The following FBLN5 variants were observed in gnomAD, a reference collection of about 807,000 sequenced individuals.
FBLN5 encodes the protein fibulin 5, also known as fibulin-5.
In FBLN5, 24 loss-of-function variants were observed where a neutral mutation model predicts 61.6. The observed-to-expected ratio is 0.39, with a 90% CI of 0.28 to 0.55. The LOEUF (loss-of-function observed/expected upper bound fraction) is 0.55, where lower values mean the gene tolerates loss of function less well. FBLN5 is among the 20% of genes least tolerant of loss of function. The pLI, the probability that FBLN5 is intolerant of heterozygous loss-of-function variation, is 0.65. For synonymous variants in FBLN5, 213 were observed against 219.8 expected, an observed-to-expected ratio of 0.97 and a Z score of 0.27; for missense variants, 470 against 594.1, an observed-to-expected ratio of 0.79 and a Z score of 2.17.
At position 91,883,062 on chromosome 14, in the gene FBLN5, T is replaced by C. The variant is rs780410972; in HGVS notation, c.754A>G (p.Ser252Gly). The C allele has an allele frequency of 1.9e-6, 3 of 1,614,030 alleles. No individual in the cohort carries two copies. The highest frequency in any genetic ancestry group is 2.2e-5 in the East Asian group (1 of 44,878). ...GVHCSDMDEC[S>G]FSEFLCQHEC... ...TGTTGGCAGAGGAACTCAGAGAAGC[T>C]GCACTCGTCCATATCTGGGGTGACA... Residue 252 changes from serine to glycine, a missense_variant, in exon 8 of 11, where the codon AGC becomes GGC. Ser to Gly is a moderately conservative substitution (Grantham distance 56). Coordinates refer to ENST00000342058, the MANE Select transcript of FBLN5 (RefSeq NM_006329.4).
At chr14:91,913,068 CT>C (rs1891026520) in intron 4 of FBLN5, among the ~76,000 whole-genome samples, 2 of 152,108 alleles carry the variant, frequency 1.3e-5, no homozygotes, top group South Asian at 4.1e-4. Context: ...TTCAAACGCC[CT>C]TTTACAAGTA....
intron 5 of FBLN5, among the ~76,000 whole-genome samples, chr14:91,893,884 A>G (rs1890097594): frequency 6.6e-6 from 1 of 152,216 alleles, no homozygotes; most frequent in Admixed American, 6.5e-5. Context: ...GGGTGTTGAA[A>G]GGAACTGATG....
intron 6 of FBLN5, among the ~76,000 whole-genome samples, chr14:91,889,948 C>T (rs1406139890): frequency 6.6e-6 from 1 of 152,178 alleles, no homozygotes; most frequent in African/African-American, 2.4e-5. Context: ...CGGTGCCAGC[C>T]TGTGGCTGGC....
At chr14:91,931,957 T>C (rs773971691) in intron 4 of FBLN5, among the ~76,000 whole-genome samples, 7 of 152,182 alleles carry the variant, frequency 4.6e-5, no homozygotes, top group Non-Finnish European at 7.4e-5. Flanking sequence ...CACACCGTCC[T>C]TCTCTGGGAT....
intron 6 of FBLN5, among the ~76,000 whole-genome samples, chr14:91,888,522 T>C (rs1426664776): frequency 6.7e-6 from 1 of 149,484 alleles, no homozygotes; most frequent in Non-Finnish European, 1.5e-5. Context: ...GACAAGGGAA[T>C]CGCTTGAACC....
chr14:91,876,110 A>G (rs1424631041), intron 10 of FBLN5, among the ~76,000 whole-genome samples: 2 of 152,354 alleles, frequency 1.3e-5, no homozygotes, highest in Middle Eastern at 3.4e-3. Flanking sequence ...GTTAGGTCAC[A>G]TCACACAATT....
rs1259971571 is a variant in FBLN5, at chr14:91,947,475, A to G, written c.-246T>C. ...TCTTCAGTAATTCAGCATTAAACCA[A>G]TTGGAGGAGGAATGTTAAAAATGAA... On this transcript the variant is annotated 5_prime_UTR_variant, in exon 1 of 11. Transcript: ENST00000342058. The surrounding 1 kb of genome is among the most constrained non-coding windows in gnomAD (Gnocchi z 4.3). The G allele has an allele frequency of 6.6e-6, 4 of 607,830 alleles. No homozygotes were observed. The highest frequency in any genetic ancestry group is 1.9e-5 in the African/African-American group (1 of 53,852). 37.7% of individuals were successfully genotyped at this position (607,830 alleles called of 1,614,324 possible).
intron 4 of FBLN5, among the ~76,000 whole-genome samples, chr14:91,897,656 A>G (rs1890280259): frequency 6.6e-6 from 1 of 152,252 alleles, no homozygotes; most frequent in African/African-American, 2.4e-5. Flanking sequence ...GAAGGGCACA[A>G]AGGGCCCCAT....
rs867480853 is a variant in FBLN5 at position 91,924,575 on chromosome 14, G to A, written c.379+12372C>T. ...CACACACCTGTAGTCCCAGCTACTC[G>A]GGAGGCTGAGGCACGAGGATTGCTT... On this transcript the variant is annotated intron_variant, in intron 4 of 10. Transcript: ENST00000342058. 5.9e-5 allele frequency among the ~76,000 whole-genome samples: 9 copies of A among 152,100 alleles called. No homozygotes were observed. In the Middle Eastern group the frequency reaches 0.01, roughly 172 times the overall value.
intron 4 of FBLN5, among the ~76,000 whole-genome samples, chr14:91,927,393 G>A (rs535663604): frequency 7.2e-5 from 11 of 152,290 alleles, no homozygotes; most frequent in African/African-American, 2.2e-4. Context: ...GATAAGAGCC[G>A]CGGAGAACAT....
At chr14:91,889,092 T>C (rs1159881751) in intron 6 of FBLN5, among the ~76,000 whole-genome samples, 1 of 152,108 alleles carries the variant, frequency 6.6e-6, no homozygotes, top group Non-Finnish European at 1.5e-5. Flanking sequence ...AGAAAACAAA[T>C]AAATGAACAG....
rs1371083459 is a variant in FBLN5, at chr14:91,869,463, G to A, written c.*761C>T. The A allele has an allele frequency of 6.6e-6, 1 of 152,408 alleles. No homozygotes were observed. Among genetic ancestry groups the A allele is most frequent in the East Asian group, 1.9e-4 (1 of 5,200 alleles). The allele number at this position is 152,408 out of a possible 1,614,324, so 9.4% of individuals were successfully genotyped here. Reference sequence around the variant, plus strand: ...GACCTCTGCATTCCAATCCAATTGGGTAAAAATTCTAAAGAAAGCAAGATT... The same window carrying A: ...GACCTCTGCATTCCAATCCAATTGGATAAAAATTCTAAAGAAAGCAAGATT... On this transcript the variant is annotated 3_prime_UTR_variant, in exon 11 of 11. Coordinates refer to ENST00000342058, the MANE Select transcript of FBLN5 (RefSeq NM_006329.4).
intron 7 of FBLN5, 25 bp downstream of exon 7, chr14:91,887,168 A>G (rs1889762896): frequency 3.1e-6 from 5 of 1,613,490 alleles, no homozygotes; most frequent in Non-Finnish European, 4.2e-6. Flanking sequence ...TACAGGTGGA[A>G]GTTTCCAATG....
At chr14:91,881,807 A>G (rs1210142832) in intron 8 of FBLN5, among the ~76,000 whole-genome samples, 1 of 151,720 alleles carries the variant, frequency 6.6e-6, no homozygotes, top group African/African-American at 2.4e-5. Flanking sequence ...ATTTAAAAAA[A>G]GAATGTAAAA....
At chr14:91,941,028 T>A (rs1000699811) in intron 2 of FBLN5, among the ~76,000 whole-genome samples, 2 of 152,114 alleles carry the variant, frequency 1.3e-5, no homozygotes, top group African/African-American at 4.8e-5. Flanking sequence ...AATGCTGTAG[T>A]TGTGAAGAGC....
chr14:91,887,269 G>T lies in FBLN5; in HGVS notation c.663C>A (p.Cys221Ter). 6.2e-7 allele frequency: 1 copy of T among 1,613,098 alleles called. No individual in the cohort carries two copies. The highest frequency in any genetic ancestry group is 8.5e-7 in the Non-Finnish European group (1 of 1,179,654). ...CATENPCVQT[C>*]VNTYGSFICR... ...AGATGAAAGAGCCGTAGGTGTTGAC[G>T]CAGGTTTGCACGCAGGGGTTCTCGG... The change falls in exon 7 of 11, where the codon TGC (cysteine) becomes TGA (stop). Residue 221 changes from cysteine to a stop codon, truncating the protein, a stop_gained. Transcript: ENST00000342058. LOFTEE classifies it high-confidence loss of function.
chr14:91,921,866 G>A (rs2055741267), intron 4 of FBLN5, among the ~76,000 whole-genome samples: 1 of 152,164 alleles, frequency 6.6e-6, no homozygotes, highest in Admixed American at 6.5e-5. Context: ...GAAAGGAGCT[G>A]GCATGGTGCC....
chr14:91,917,989 C>T lies in FBLN5; in HGVS notation c.379+18958G>A, dbSNP rs72705361. The stretch of plus-strand genomic sequence containing the variant: ...AAATTGGCCCAAGGACTAAGCCTCC[C>T]TCTGAAGCCCCTGCCCCCCAACCCA... On this transcript the variant is annotated intron_variant, in intron 4 of 10. Coordinates refer to ENST00000342058, the MANE Select transcript of FBLN5 (RefSeq NM_006329.4). 4.3e-3 allele frequency among the ~76,000 whole-genome samples: 660 copies of T among 152,318 alleles called. 4 individuals are homozygous for T. Among genetic ancestry groups the T allele is most frequent in the Non-Finnish European group, 8.1e-3 (554 of 68,036 alleles).
intron 7 of FBLN5, among the ~76,000 whole-genome samples, chr14:91,885,366 A>G (rs1889680144): frequency 6.6e-6 from 1 of 152,250 alleles, no homozygotes; most frequent in African/African-American, 2.4e-5. Context: ...GGGAAGATAA[A>G]TTAACATGTA....
Sources: gnomAD v4.1 joint callset for allele counts (sites outside exome capture counted in the v4.1 genomes callset) on GRCh38, gnomAD v4.1.1 for gene constraint, Gnocchi (gnomAD v3.1) non-coding constraint, MANE v1.5 for transcripts, NCBI Gene and HGNC (gene_info 2026-07-23, HGNC 2026-07-21) for gene names.